NDUFA11: variants seen among roughly 807,000 people sequenced by gnomAD.
NDUFA11 encodes NADH dehydrogenase [ubiquinone] 1 alpha subcomplex subunit 11.
A neutral mutation model predicts 11.3 loss-of-function variants in NDUFA11; 14 were observed. That is an observed-to-expected ratio of 1.24 (90% CI 0.82 to 1.94). The LOEUF is 1.94. Among genes scored for constraint, NDUFA11 ranks in the 30% most tolerant of loss-of-function variants. The probability of loss-of-function intolerance (pLI) is 0.00; values close to 1 mark genes in which losing one functional copy is unlikely to be tolerated. For synonymous variants in NDUFA11, 87 were observed against 85.6 expected, an observed-to-expected ratio of 1.02 and a Z score of -0.09; for missense variants, 204 against 200.3, an observed-to-expected ratio of 1.02 and a Z score of -0.11.
chr19:5,892,947 T>A, downstream of NDUFA11: 1 of 1,463,798 alleles, frequency 6.8e-7, no homozygotes. Context: ...CCAGAGTGTT[T>A]AACAATGACT....
At position 5,896,890 on chromosome 19, in the gene NDUFA11, G is replaced by A. The variant is rs1450276024; in HGVS notation, c.190+15C>T. On this transcript the variant is annotated intron_variant, in intron 2 of 3. Transcript: ENST00000308961. The surrounding 1 kb of genome is among the most constrained non-coding windows in gnomAD (Gnocchi z 5.8). ...CCAGGAGAGGGCCCAGCCATGCCCA[G>A]CCCAGCGTGCTCACCTGCAGTGAAC... The A allele has an allele frequency of 2.5e-6, 4 of 1,607,338 alleles. No individual in the cohort carries two copies. Among genetic ancestry groups the A allele is most frequent in the Non-Finnish European group, 2.6e-6 (3 of 1,174,056 alleles).
Position 5,901,574 on chromosome 19 carries a change from G to A in NDUFA11, c.97+2038C>T, listed in dbSNP as rs184327932. ...TCCCAATGGAGCCGCAACTTTGGCCGGGCCCTGTTTCACATATGCTGGAAA... is the reference window on the plus strand; with the variant it reads ...TCCCAATGGAGCCGCAACTTTGGCCAGGCCCTGTTTCACATATGCTGGAAA... On this transcript the variant is annotated intron_variant, in intron 1 of 3. Transcript: ENST00000308961. 4.0e-4 allele frequency: 304 copies of A among 752,338 alleles called. 2 individuals are homozygous for A. In the African/African-American group the frequency reaches 4.8e-3, roughly 12 times the overall value. The allele number at this position is 752,338 out of a possible 1,614,324, so 46.6% of individuals were successfully genotyped here.
downstream of NDUFA11, among the ~76,000 whole-genome samples, chr19:5,893,503 G>T (rs1019754237): frequency 6.6e-6 from 1 of 152,062 alleles, no homozygotes; most frequent in East Asian, 1.9e-4. This position sits in a 1 kb window ranked among gnomAD's most constrained non-coding sequence, Gnocchi z 4.1. Flanking sequence ...GTCTCACTGC[G>T]TTGCCCAGGC....
In NDUFA11 at chr19:5,903,708, TA is replaced by T; in HGVS notation, c.-1del. On this transcript the variant is annotated 5_prime_UTR_variant, in exon 1 of 4. Transcript: ENST00000308961. ...TACTGACGAAAAACCTTCGGCGCCA[TA>T]GCCCGCAATCTCGATCCCGCACCAC... is the stretch of plus-strand genomic sequence containing the variant. 1.3e-6 allele frequency: 2 copies of T among 1,551,260 alleles called. No homozygotes were observed. Among genetic ancestry groups the T allele is most frequent in the African/African-American group, 1.4e-5 (1 of 73,174 alleles).
chr19:5,897,731 G>A (rs1321776901), intron 1 of NDUFA11, among the ~76,000 whole-genome samples: 1 of 152,238 alleles, frequency 6.6e-6, no homozygotes, highest in Admixed American at 6.5e-5. Context: ...TTGGGCCGGG[G>A]CCGGGCCCAG....
At chr19:5,893,724 G>A (rs912437363), downstream of NDUFA11, among the ~76,000 whole-genome samples, 1 of 152,208 alleles carries the variant, frequency 6.6e-6, no homozygotes, top group Admixed American at 6.5e-5. This position sits in a 1 kb window ranked among gnomAD's most constrained non-coding sequence, Gnocchi z 4.1. Flanking sequence ...CTACTCGGGG[G>A]TGGACAGAGA....
In NDUFA11 at chr19:5,896,383, G is replaced by C. The variant is rs778292970; in HGVS notation, c.313+70C>G. The stretch of plus-strand genomic sequence containing the variant: ...TCCGGGATGGAACAGAGAGGGTGGA[G>C]GATGAGCAGAGGTCAGGGGTCATTC... On this transcript the variant is annotated intron_variant, in intron 3 of 3. Transcript: ENST00000308961. This position sits in a 1 kb window ranked among gnomAD's most constrained non-coding sequence, Gnocchi z 5.8. The C allele has an allele frequency of 5.4e-6, 8 of 1,469,708 alleles. No individual in the cohort carries two copies. The highest frequency in any genetic ancestry group is 7.4e-6 in the Non-Finnish European group (8 of 1,087,160). The allele number at this position is 1,469,708 out of a possible 1,614,324, so 91.0% of individuals were successfully genotyped here. A position where few individuals can be genotyped will look rare whatever the true frequency, so the allele number is the denominator to read the frequency against.
At position 5,896,553 on chromosome 19, in the gene NDUFA11, G is replaced by A. The variant is rs547329450; in HGVS notation, c.213C>T (p.Gly71=). 3.8e-6 allele frequency: 6 copies of A among 1,566,830 alleles called. No individual in the cohort carries two copies. Among genetic ancestry groups the A allele is most frequent in the African/African-American group, 1.4e-5 (1 of 73,932 alleles). The change falls in exon 3 of 4, where the codon GGC becomes GGT. Residue 71 remains glycine (G), a synonymous_variant. Coordinates refer to ENST00000308961, the MANE Select transcript of NDUFA11 (RefSeq NM_175614.5). This position sits in a 1 kb window ranked among gnomAD's most constrained non-coding sequence, Gnocchi z 5.8. The part of the protein sequence containing the change: ...FTAAAVGAVF[G]LTTCISAHVR... ...CATGGGCGCTGATGCAGGTGGTGAGGCCAAACACGGCCCCGACAGCAGCTG... is the reference window on the plus strand; with the variant it reads ...CATGGGCGCTGATGCAGGTGGTGAGACCAAACACGGCCCCGACAGCAGCTG...
In NDUFA11 at chr19:5,896,832, G is replaced by C; in HGVS notation, c.190+73C>G. On this transcript the variant is annotated intron_variant, in intron 2 of 3. Transcript: ENST00000308961. The surrounding 1 kb of genome is among the most constrained non-coding windows in gnomAD (Gnocchi z 5.8). The stretch of plus-strand genomic sequence containing the variant: ...GCTGGGGAGTCAGAGAGAAGAGGCA[G>C]CCGTCAAATGTGCTCTGAGAGCTGG... 7.3e-7 allele frequency: 1 copy of C among 1,365,848 alleles called. No individual in the cohort carries two copies. The highest frequency in any genetic ancestry group is 1.4e-5 in the African/African-American group (1 of 70,076). 84.6% of individuals were successfully genotyped at this position (1,365,848 alleles called of 1,614,324 possible). A position where few individuals can be genotyped will look rare whatever the true frequency, so the allele number is the denominator to read the frequency against.
chr19:5,893,223 T>G, downstream of NDUFA11: 1 of 1,534,362 alleles, frequency 6.5e-7, no homozygotes, highest in Non-Finnish European at 8.7e-7. This position sits in a 1 kb window ranked among gnomAD's most constrained non-coding sequence, Gnocchi z 4.1. Context: ...TCTGGGAGGC[T>G]GAGGTGTGAG....
intron 3 of NDUFA11, chr19:5,895,866 T>A (rs550273955): frequency 6.3e-6 from 1 of 159,836 alleles, no homozygotes; most frequent in African/African-American, 2.4e-5. Flanking sequence ...TCGGGCCACT[T>A]AATTCCCTCC....
chr19:5,900,046 C>T (rs761071276), intron 1 of NDUFA11: 6 of 152,184 alleles, frequency 3.9e-5, no homozygotes, highest in Non-Finnish European at 2.9e-5. Context: ...CTTCCAAAGT[C>T]CTTGAACTGG....
downstream of NDUFA11, among the ~76,000 whole-genome samples, chr19:5,894,297 A>T (rs558031680): frequency 1.3e-5 from 2 of 152,218 alleles, no homozygotes; most frequent in East Asian, 3.9e-4. Flanking sequence ...GGCTTTGGGG[A>T]CAGGCCCAGA....
chr19:5,895,958 G>A, intron 3 of NDUFA11: 1 of 203,922 alleles, frequency 4.9e-6, no homozygotes, highest in Non-Finnish European at 1.0e-5. Flanking sequence ...GGAGAGAGAT[G>A]GCAGGGCGAG....
At chr19:5,899,340 G>A (rs1249468154) in intron 1 of NDUFA11, among the ~76,000 whole-genome samples, 7 of 150,634 alleles carry the variant, frequency 4.6e-5, no homozygotes, top group South Asian at 4.2e-4. Flanking sequence ...TAGTAGAGAC[G>A]GGGTTTCACC....
chr19:5,897,573 C>A (rs569109095), intron 1 of NDUFA11, among the ~76,000 whole-genome samples: 1 of 152,308 alleles, frequency 6.6e-6, no homozygotes, highest in South Asian at 2.1e-4. Context: ...CCCCCTCCTG[C>A]TGGCAGCTCG....
At chr19:5,897,081 T>A in intron 1 of NDUFA11, 84 bp from the exon 2 acceptor site, 1 of 1,057,610 alleles carries the variant, frequency 9.5e-7, no homozygotes, top group Non-Finnish European at 1.5e-6. Context: ...GTGGTCTCCC[T>A]CCCTCAGTCC....
At chr19:5,899,616 AATT>A (rs1262651129) in intron 1 of NDUFA11, among the ~76,000 whole-genome samples, 2 of 93,610 alleles carry the variant, frequency 2.1e-5, no homozygotes, top group Non-Finnish European at 4.5e-5. Context: ...ATGCCCAGCT[AATT>A]ATTATTATTA....
chr19:5,894,291 T>C (rs1468146811), downstream of NDUFA11, among the ~76,000 whole-genome samples: 1 of 152,158 alleles, frequency 6.6e-6, no homozygotes, highest in African/African-American at 2.4e-5. Context: ...GTTGTTGGCT[T>C]TGGGGACAGG....
Sources: allele counts gnomAD v4.1 joint callset (sites outside exome capture counted in the v4.1 genomes callset), GRCh38; gene constraint gnomAD v4.1.1; non-coding constraint Gnocchi (gnomAD v3.1); transcripts MANE v1.5; gene names NCBI Gene and HGNC (gene_info 2026-07-23, HGNC 2026-07-21).